The following PXDNL variants were observed in gnomAD, a reference collection of about 807,000 sequenced individuals.
PXDNL encodes the protein probable oxidoreductase PXDNL.
Under a neutral mutation model 150.8 loss-of-function variants are expected in PXDNL, and 145 were observed. The observed-to-expected ratio is 0.96, with a 90% confidence interval of 0.84 to 1.10. The LOEUF is 1.10. PXDNL is among the 50% of genes least tolerant of loss of function. The pLI is 0.00. For synonymous variants in PXDNL, 757 were observed against 725.7 expected (o/e 1.04, Z -0.69); for missense variants, 2,087 against 1,873.9 (o/e 1.11, Z -2.10).
chr8:51,675,874 C>T (rs1340491479), intron 1 of PXDNL, among the ~76,000 whole-genome samples: 3 of 151,708 alleles, frequency 2.0e-5, no homozygotes, highest in Non-Finnish European at 2.9e-5. Flanking sequence ...CGATGATTTT[C>T]CTGCTGCAAC....
chr8:51,748,027 G>A (rs1453662686), intron 1 of PXDNL, among the ~76,000 whole-genome samples: 1 of 152,188 alleles, frequency 6.6e-6, no homozygotes, highest in African/African-American at 2.4e-5. Context: ...CTGAGTGTGA[G>A]TGGTAAATGA....
chr8:51,455,670 T>C (rs991673387), intron 9 of PXDNL, among the ~76,000 whole-genome samples: 23 of 152,066 alleles, frequency 1.5e-4, no homozygotes, highest in Admixed American at 1.2e-3. Context: ...GTTCTCAAAG[T>C]AGAAATGCTC....
intron 17 of PXDNL, among the ~76,000 whole-genome samples, chr8:51,390,828 C>T (rs1341969359): frequency 1.3e-5 from 2 of 151,906 alleles, no homozygotes; most frequent in East Asian, 1.9e-4. Context: ...ATGTGCCATG[C>T]TGGTGTGCTG....
intron 4 of PXDNL, among the ~76,000 whole-genome samples, chr8:51,507,862 C>T (rs1435903192): frequency 6.6e-6 from 1 of 152,104 alleles, no homozygotes; most frequent in East Asian, 1.9e-4. Context: ...ATTACTAAGC[C>T]CAAAATGTCA....
intron 17 of PXDNL, among the ~76,000 whole-genome samples, chr8:51,400,842 T>C (rs149509177): frequency 6.6e-6 from 1 of 152,350 alleles, no homozygotes; most frequent in African/African-American, 2.4e-5. Flanking sequence ...CACTCAATAG[T>C]TGATGAAAAA....
In PXDNL at chr8:51,345,948, C is replaced by G. The variant is rs933417944; in HGVS notation, c.3902-1G>C. ...CTGAACTGTCCTCTACTCCTACAGT[C>G]TGTGGGGAAAGAAGTAACCACAATA... On this transcript the variant is annotated splice_acceptor_variant, in intron 19 of 22. Transcript: ENST00000356297. LOFTEE classifies it high-confidence loss of function. 2 of 1,595,990 alleles carry G rather than the reference C, an allele frequency of 1.3e-6. No individual in the cohort carries two copies. Among genetic ancestry groups the G allele is most frequent in the Non-Finnish European group, 1.7e-6 (2 of 1,163,770 alleles).
intron 21 of PXDNL, among the ~76,000 whole-genome samples, chr8:51,323,286 T>G (rs1235789231): frequency 1.3e-5 from 2 of 152,146 alleles, no homozygotes; most frequent in Non-Finnish European, 2.9e-5. Context: ...TTTTTTTGTT[T>G]TGTTTTGTTT....
chr8:51,745,346 GAAGA>G (rs2036971311), intron 1 of PXDNL, among the ~76,000 whole-genome samples: 1 of 152,080 alleles, frequency 6.6e-6, no homozygotes, highest in Non-Finnish European at 1.5e-5. Context: ...AAAACAAATA[GAAGA>G]AAGTCAATCC....
intron 12 of PXDNL, among the ~76,000 whole-genome samples, chr8:51,438,449 C>T (rs955559208): frequency 1.3e-5 from 2 of 152,136 alleles, no homozygotes; most frequent in Admixed American, 1.3e-4. Flanking sequence ...AAGCATGGAA[C>T]TGTTATAAAA....
At chr8:51,518,959 G>A (rs550040388) in intron 4 of PXDNL, among the ~76,000 whole-genome samples, 63 of 152,034 alleles carry the variant, frequency 4.1e-4, no homozygotes, top group Non-Finnish European at 7.8e-4. Flanking sequence ...AAGACAAAAG[G>A]GACAGGAAAT....
chr8:51,762,978 T>G (rs2037180882), intron 1 of PXDNL, among the ~76,000 whole-genome samples: 4 of 152,198 alleles, frequency 2.6e-5, no homozygotes, highest in African/African-American at 9.6e-5. Context: ...ATTTAAAATG[T>G]ACAATTCAGT....
At chr8:51,705,828 TGTGTGCGCGCGCGC>T (rs1021127960) in intron 1 of PXDNL, among the ~76,000 whole-genome samples, 2 of 57,728 alleles carry the variant, frequency 3.5e-5, no homozygotes, top group African/African-American at 1.6e-4. Context: ...TGTGTGTGTG[TGTGTGCGCGCGCGC>T]GCGCGCGCGC....
At chr8:51,733,292 C>T (rs1816968662) in intron 1 of PXDNL, among the ~76,000 whole-genome samples, 1 of 152,190 alleles carries the variant, frequency 6.6e-6, no homozygotes, top group Non-Finnish European at 1.5e-5. Context: ...TCCCTCATTT[C>T]TATGAAGCAG....
Position 51,371,859 on chromosome 8 carries a change from G to T in PXDNL, c.3901+14C>A. ...CACATCAATCCAGATCGTGCTCATT[G>T]CATTATTACTGACCTGCACAGCAGT... On this transcript the variant is annotated intron_variant, in intron 19 of 22. Transcript: ENST00000356297. The T allele has an allele frequency of 2.5e-6, 4 of 1,604,370 alleles. No homozygotes were observed. Among genetic ancestry groups the T allele is most frequent in the Non-Finnish European group, 3.4e-6 (4 of 1,171,884 alleles).
intron 8 of PXDNL, among the ~76,000 whole-genome samples, chr8:51,467,424 A>C (rs574958223): frequency 1.6e-4 from 24 of 152,222 alleles, no homozygotes; most frequent in Non-Finnish European, 2.9e-4. Flanking sequence ...TATTGGGTAC[A>C]TATGGACATA....
chr8:51,557,867 TA>T (rs1812630650), intron 3 of PXDNL, among the ~76,000 whole-genome samples: 1 of 151,972 alleles, frequency 6.6e-6, no homozygotes, highest in Admixed American at 6.6e-5. Context: ...GTTAAGCTTT[TA>T]AAGTTCCAAA....
Position 51,592,149 on chromosome 8 carries a change from C to A in PXDNL, c.308+478G>T, listed in dbSNP as rs555488174. On this transcript the variant is annotated intron_variant, in intron 3 of 22. Coordinates refer to ENST00000356297, the MANE Select transcript of PXDNL (RefSeq NM_144651.5). ...AAAAACCATGACAATTGTCAGTGAT[C>A]ATATTTGTGACCTAATTTTTCAGAA... is the stretch of plus-strand genomic sequence containing the variant. 9.9e-5 allele frequency among the ~76,000 whole-genome samples: 15 copies of A among 152,246 alleles called. 1 individual carries two copies. The South Asian group carries it at 3.1e-3, about 32-fold the overall frequency.
chr8:51,505,378 C>T (rs1811263682), intron 4 of PXDNL, among the ~76,000 whole-genome samples: 1 of 152,118 alleles, frequency 6.6e-6, no homozygotes, highest in African/African-American at 2.4e-5. Flanking sequence ...ACTCACTGAG[C>T]CACATAAAAA....
intron 1 of PXDNL, among the ~76,000 whole-genome samples, chr8:51,688,835 T>A (rs1040870295): frequency 2.6e-5 from 4 of 152,200 alleles, no homozygotes; most frequent in African/African-American, 9.6e-5. Flanking sequence ...AAAAGCTAAC[T>A]TCATTATTAC....
Sources: gnomAD v4.1 joint callset for allele counts (sites outside exome capture counted in the v4.1 genomes callset) on GRCh38, gnomAD v4.1.1 for gene constraint, MANE v1.5 for transcripts, NCBI Gene and HGNC (gene_info 2026-07-23, HGNC 2026-07-21) for gene names.